The following TMPRSS9 variants were observed in gnomAD, a reference collection of about 807,000 sequenced individuals.
The protein encoded by TMPRSS9 is transmembrane serine protease 9, also known as transmembrane protease serine 9.
Under a neutral mutation model 111.4 loss-of-function variants are expected in TMPRSS9, and 113 were observed. The ratio of observed to expected loss-of-function variants is 1.01; its 90% CI spans 0.87 to 1.19. The LOEUF is 1.19. TMPRSS9 is among the 50% of genes most tolerant of loss of function. The probability of loss-of-function intolerance (pLI) is 0.00; values close to 1 mark genes in which losing one functional copy is unlikely to be tolerated. For missense variants in TMPRSS9, 1,803 were observed against 1,513.1 expected, an observed-to-expected ratio of 1.19 and a Z score of -3.18; for synonymous variants, 805 against 659.1, an observed-to-expected ratio of 1.22 and a Z score of -3.39.
intron 1 of TMPRSS9, among the ~76,000 whole-genome samples, chr19:2,390,235 TTTTTTTTG>T (rs1468288284): frequency 1.3e-4 from 17 of 129,036 alleles, no homozygotes; most frequent in African/African-American, 4.2e-4. Flanking sequence ...AAAGTAGTTT[TTTTTTTTG>T]TTTTTTTTTT....
At chr19:2,379,439 C>A (rs1196674894) in intron 1 of TMPRSS9, among the ~76,000 whole-genome samples, 1 of 151,898 alleles carries the variant, frequency 6.6e-6, no homozygotes, top group East Asian at 1.9e-4. Flanking sequence ...CCCGCCTCGG[C>A]CTCCCAAAGT....
At position 2,381,583 on chromosome 19, in the gene TMPRSS9, CT is replaced by C. The variant is rs1270413817; in HGVS notation, c.-25-8177del. On this transcript the variant is annotated intron_variant, in intron 1 of 17. Coordinates refer to the TMPRSS9 transcript ENST00000649857. Reference sequence around the variant, plus strand: ...CGCTGCCCCTGCCTCCCCACCGCCCCTGCCTCGCTCCACGCTGCCCCTGCCT... The same window carrying C: ...CGCTGCCCCTGCCTCCCCACCGCCCCGCCTCGCTCCACGCTGCCCCTGCCT... 4.0e-5 allele frequency among the ~76,000 whole-genome samples: 6 copies of C among 151,782 alleles called. No individual in the cohort carries two copies. The East Asian group carries it at 7.8e-4, about 20-fold the overall frequency.
chr19:2,397,258 A>T (rs1970730126), intron 2 of TMPRSS9, among the ~76,000 whole-genome samples: 3 of 151,820 alleles, frequency 2.0e-5, no homozygotes, highest in African/African-American at 7.3e-5. Flanking sequence ...TCTAAAGGGG[A>T]ATCAGAGCCC....
intron 1 of TMPRSS9, among the ~76,000 whole-genome samples, chr19:2,379,615 C>CTCTTTCTTTCTTTCTTTCTTTCTA (rs1970366332): frequency 2.5e-5 from 3 of 118,618 alleles, no homozygotes; most frequent in African/African-American, 9.5e-5. Context: ...AACTTTCTTT[C>CTCTTTCTTTCTTTCTTTCTTTCTA]TCTTTCTTTC....
intron 7 of TMPRSS9, among the ~76,000 whole-genome samples, chr19:2,405,894 C>T (rs1001352674): frequency 4.0e-5 from 6 of 148,404 alleles, no homozygotes; most frequent in Non-Finnish European, 8.9e-5. Flanking sequence ...GACGGGGTTT[C>T]ACCGTGTTAG....
At chr19:2,417,720 C>G (rs1971282381) in intron 12 of TMPRSS9, among the ~76,000 whole-genome samples, 2 of 152,168 alleles carry the variant, frequency 1.3e-5, no homozygotes, top group Non-Finnish European at 2.9e-5. Flanking sequence ...CCCACTCCAA[C>G]AGTTAATGCT....
rs553775230 is a variant in TMPRSS9 at position 2,419,392 on chromosome 19, C to T, written c.2154+1254C>T. Among the ~76,000 whole-genome samples the T allele has an allele frequency of 7.3e-4, 110 of 151,240 alleles. 1 individual carries two copies. The highest frequency in any genetic ancestry group is 2.4e-3 in the African/African-American group (97 of 41,242). ...CTAATTTTTGTATTTTTAGTAGAGA[C>T]GGGGTTTCACTATGTTGGCCAGGAT... On this transcript the variant is annotated intron_variant, in intron 13 of 17. Transcript: ENST00000648592.
At chr19:2,392,027 C>A (rs1194818849) in intron 1 of TMPRSS9, among the ~76,000 whole-genome samples, 1 of 151,918 alleles carries the variant, frequency 6.6e-6, no homozygotes, top group Admixed American at 6.6e-5. Context: ...CAGACATGAG[C>A]CACCACGCCC....
At chr19:2,420,695 A>G (rs1971444351) in intron 13 of TMPRSS9, among the ~76,000 whole-genome samples, 1 of 152,148 alleles carries the variant, frequency 6.6e-6, no homozygotes, top group South Asian at 2.1e-4. Context: ...TGGGACTCTG[A>G]TCCCCATATG....
chr19:2,400,474 G>GGAGGTTGCAGTGAGCC (rs1970810007), intron 4 of TMPRSS9, among the ~76,000 whole-genome samples: 1 of 152,020 alleles, frequency 6.6e-6, no homozygotes, highest in African/African-American at 2.4e-5. Context: ...CCCAGGAGGC[G>GGAGGTTGCAGTGAGCC]GAGGTTGCAG....
rs1555680732 is a variant in TMPRSS9 at position 2,418,359 on chromosome 19, C to CT, written c.2154+222dup. On this transcript the variant is annotated intron_variant, in intron 13 of 17. Coordinates refer to ENST00000648592, the Ensembl canonical transcript of TMPRSS9. ...TCCTTCCCTCCCTTTCCCTCCCTCC[C>CT]TCCCTTCCCTTCCCTCCCTCCCTTT... is the stretch of plus-strand genomic sequence containing the variant. 7.9e-3 allele frequency among the ~76,000 whole-genome samples: 209 copies of CT among 26,408 alleles called. 20 individuals are homozygous for CT. Among genetic ancestry groups the CT allele is most frequent in the Non-Finnish European group, 9.8e-3 (159 of 16,160 alleles). 17.3% of individuals were successfully genotyped at this position (26,408 alleles called of 152,430 possible).
intron 6 of TMPRSS9, among the ~76,000 whole-genome samples, chr19:2,404,876 G>A (rs1024979669): frequency 6.0e-5 from 9 of 148,820 alleles, no homozygotes; most frequent in African/African-American, 2.2e-4. Flanking sequence ...AGCTTGCAGT[G>A]AGTTGAGATC....
rs557008482 is a variant in TMPRSS9, at chr19:2,416,861, C to T, written c.2017+52C>T. ...GGTGGATTTATTCTCCAGGGCCTGGCCTGGGGAGGGTCAGGATGGGCATCT... is the reference window on the plus strand; with the variant it reads ...GGTGGATTTATTCTCCAGGGCCTGGTCTGGGGAGGGTCAGGATGGGCATCT... On this transcript the variant is annotated intron_variant, in intron 12 of 17. Coordinates refer to ENST00000648592, the Ensembl canonical transcript of TMPRSS9. 58 of 1,551,234 alleles carry T rather than the reference C, an allele frequency of 3.7e-5. No homozygotes were observed. In the Admixed American group the frequency reaches 5.6e-4, roughly 15 times the overall value.
chr19:2,369,257 T>A (rs985884002), intron 1 of TMPRSS9, among the ~76,000 whole-genome samples: 11 of 152,106 alleles, frequency 7.2e-5, no homozygotes, highest in African/African-American at 1.7e-4. Flanking sequence ...ACCCAGGTTT[T>A]AAAAAAAATT....
At chr19:2,396,308 GT>G in intron 1 of TMPRSS9, 1 of 469,544 alleles carries the variant, frequency 2.1e-6, no homozygotes, top group Admixed American at 3.6e-5. Flanking sequence ...GGACCTCCGG[GT>G]GGGTGGCTGT....
intron 1 of TMPRSS9, among the ~76,000 whole-genome samples, chr19:2,391,032 AAAGGGAGGGAG>A: frequency 1.6e-5 from 1 of 63,206 alleles, no homozygotes; most frequent in East Asian, 1.3e-3. Flanking sequence ...AGAAAGAAAG[AAAGGGAGGGAG>A]GGAGGGAGGG....
intron 5 of TMPRSS9, among the ~76,000 whole-genome samples, chr19:2,402,336 G>T (rs1253804870): frequency 6.6e-6 from 1 of 152,156 alleles, no homozygotes; most frequent in Non-Finnish European, 1.5e-5. Context: ...CAGCTACTTG[G>T]GAGGCTGAGG....
chr19:2,425,243 G>C, exon 16 of TMPRSS9: 10 of 1,410,680 alleles, frequency 7.1e-6, no homozygotes, highest in Non-Finnish European at 8.3e-6. Flanking sequence ...CGTCATCACC[G>C]GCTGGGGCTC....
Position 2,398,792 on chromosome 19 carries a change from C to A in TMPRSS9, c.271-3C>A. ...ACATTTGATATTCTTGTTTCTATTG[C>A]AGTTTGTAAGTAGTTTTCAGAAGAC... On this transcript the variant is annotated splice_region_variant and splice_polypyrimidine_tract_variant and intron_variant, in intron 2 of 17. Transcript: ENST00000648592. The A allele has an allele frequency of 6.9e-7, 1 of 1,447,634 alleles. No individual in the cohort carries two copies. Among genetic ancestry groups the A allele is most frequent in the South Asian group, 1.2e-5 (1 of 82,440 alleles). The allele number at this position is 1,447,634 out of a possible 1,614,324, so 89.7% of individuals were successfully genotyped here.
Sources: allele counts gnomAD v4.1 joint callset (sites outside exome capture counted in the v4.1 genomes callset), GRCh38; gene constraint gnomAD v4.1.1; transcripts MANE v1.5; gene names NCBI Gene and HGNC (gene_info 2026-07-23, HGNC 2026-07-21).